Variants in DAB1 observed in about 807,000 individuals in gnomAD.
DAB1 encodes the protein disabled homolog 1.
DAB1 carries 15 observed loss-of-function variants against 64.6 expected under a neutral mutation model. The observed-to-expected ratio is 0.23, with a 90% CI of 0.16 to 0.36. The LOEUF is 0.36. Among genes scored for constraint, DAB1 ranks in the 10% least tolerant of loss-of-function variants. The pLI, the probability that DAB1 is intolerant of heterozygous loss-of-function variation, is 1.00. For synonymous variants in DAB1, 235 were observed against 251.9 expected (o/e 0.93, Z 0.64); for missense variants, 596 against 706.7 (o/e 0.84, Z 1.78).
At chr1:57,070,878 G>C (rs1325427658) in intron 7 of DAB1, 145 bp downstream of exon 7, 21 of 728,060 alleles carry the variant, frequency 2.9e-5, no homozygotes, top group Non-Finnish European at 4.9e-6. Context: ...GCTCCTGGAG[G>C]GGCTGGCAGC....
At chr1:58,135,740 T>C (rs1465318128) in intron 5 of DAB1, among the ~76,000 whole-genome samples, 1 of 152,030 alleles carries the variant, frequency 6.6e-6, no homozygotes, top group African/African-American at 2.4e-5. Context: ...ATCTAGAAAT[T>C]TTGGACACTG....
At chr1:58,118,110 T>C (rs1041950055) in intron 5 of DAB1, among the ~76,000 whole-genome samples, 2 of 151,726 alleles carry the variant, frequency 1.3e-5, no homozygotes, top group East Asian at 2.0e-4. Flanking sequence ...AATGTCTCCT[T>C]ACATTGCCCA....
At chr1:57,394,142 G>A (rs1297687934) in intron 1 of DAB1, among the ~76,000 whole-genome samples, 8 of 152,158 alleles carry the variant, frequency 5.3e-5, no homozygotes, top group South Asian at 2.1e-4. Flanking sequence ...GCCATTCACC[G>A]TAGATCTTAC....
intron 5 of DAB1, among the ~76,000 whole-genome samples, chr1:58,149,506 C>G (rs1039804416): frequency 1.3e-5 from 2 of 152,166 alleles, no homozygotes; most frequent in Non-Finnish European, 2.9e-5. Context: ...GCTATGGATA[C>G]GTTTCCTGAA....
chr1:58,504,222 C>G (rs1400522354), intron 3 of DAB1, among the ~76,000 whole-genome samples: 1 of 152,226 alleles, frequency 6.6e-6, no homozygotes, highest in African/African-American at 2.4e-5. Flanking sequence ...GAAGATCCTG[C>G]GTGGTCTGGT....
intron 1 of DAB1, among the ~76,000 whole-genome samples, chr1:57,402,665 A>T (rs1419863160): frequency 6.6e-6 from 1 of 152,228 alleles, no homozygotes; most frequent in Admixed American, 6.5e-5. Context: ...AAAAATAATC[A>T]CAATAGATGT....
intron 3 of DAB1, among the ~76,000 whole-genome samples, chr1:58,495,576 CA>C (rs1645785874): frequency 7.4e-6 from 1 of 134,360 alleles, no homozygotes; most frequent in Admixed American, 7.2e-5. Flanking sequence ...TATATTTAAA[CA>C]AACAAAACTG....
intron 5 of DAB1, among the ~76,000 whole-genome samples, chr1:57,915,984 G>A (rs963803994): frequency 6.6e-6 from 1 of 152,168 alleles, no homozygotes; most frequent in African/African-American, 2.4e-5. Context: ...ACTCCACTTC[G>A]TTGTTGGTTG....
At chr1:57,938,129 T>C (rs1243652756) in intron 5 of DAB1, among the ~76,000 whole-genome samples, 1 of 152,230 alleles carries the variant, frequency 6.6e-6, no homozygotes, top group Non-Finnish European at 1.5e-5. Context: ...AATTTAGAGT[T>C]AGAGACATTT....
chr1:57,611,558 C>T (rs577116719), intron 7 of DAB1, among the ~76,000 whole-genome samples: 6 of 152,220 alleles, frequency 3.9e-5, no homozygotes, highest in East Asian at 1.9e-4. Flanking sequence ...CTCATAGTGC[C>T]GTTTAGATCC....
intron 3 of DAB1, among the ~76,000 whole-genome samples, chr1:58,467,559 A>T (rs1645308805): frequency 6.6e-6 from 1 of 152,162 alleles, no homozygotes; most frequent in Non-Finnish European, 1.5e-5. Context: ...GGTTGGGGAG[A>T]GAAAGAGAAT....
intron 5 of DAB1, among the ~76,000 whole-genome samples, chr1:57,891,470 A>C (rs1644313193): frequency 6.6e-6 from 1 of 152,206 alleles, no homozygotes; most frequent in Non-Finnish European, 1.5e-5. Context: ...AAGATCTAAA[A>C]CTAGAATTAC....
chr1:57,232,676 T>A (rs910538231), intron 2 of DAB1, among the ~76,000 whole-genome samples: 1 of 151,992 alleles, frequency 6.6e-6, no homozygotes, highest in African/African-American at 2.4e-5. Context: ...CTCTTTCCAA[T>A]ACACCAGATG....
intron 6 of DAB1, among the ~76,000 whole-genome samples, chr1:57,678,007 C>G (rs1646588422): frequency 1.3e-5 from 2 of 152,138 alleles, no homozygotes; most frequent in South Asian, 4.1e-4. Flanking sequence ...TGTCTGGGTA[C>G]TGCTTCTAGA....
chr1:57,109,075 T>C (rs1241537158), intron 4 of DAB1, among the ~76,000 whole-genome samples: 2 of 152,210 alleles, frequency 1.3e-5, no homozygotes, highest in East Asian at 3.9e-4. Context: ...GGACTTGGTG[T>C]CTGTATTTGG....
At chr1:57,264,871 A>G (rs1276866929) in intron 2 of DAB1, among the ~76,000 whole-genome samples, 2 of 152,210 alleles carry the variant, frequency 1.3e-5, no homozygotes, top group African/African-American at 4.8e-5. Context: ...TCAGCTGTCA[A>G]TATCAACAAT....
At chr1:57,430,432 G>A (rs1055357711) in intron 7 of DAB1, among the ~76,000 whole-genome samples, 3 of 150,464 alleles carry the variant, frequency 2.0e-5, no homozygotes, top group Admixed American at 6.6e-5. Flanking sequence ...CTGGAGTGCA[G>A]TGGCGCCATC....
intron 4 of DAB1, among the ~76,000 whole-genome samples, chr1:58,166,458 G>A (rs145200489): frequency 2.0e-5 from 3 of 152,220 alleles, no homozygotes; most frequent in East Asian, 3.9e-4. Context: ...TATTTTTGAG[G>A]TTCATCAACA....
At chr1:58,303,391 A>G (rs546351348) in intron 4 of DAB1, among the ~76,000 whole-genome samples, 1 of 152,252 alleles carries the variant, frequency 6.6e-6, no homozygotes, top group South Asian at 2.1e-4. Context: ...AATTCCACCT[A>G]CTGATGGTCC....
Sources: allele counts gnomAD v4.1 joint callset (sites outside exome capture counted in the v4.1 genomes callset), GRCh38; gene constraint gnomAD v4.1.1; transcripts MANE v1.5; gene names NCBI Gene and HGNC (gene_info 2026-07-23, HGNC 2026-07-21).